Variants in GON4L observed in about 807,000 individuals in gnomAD.
GON4L encodes the protein GON-4-like protein.
In GON4L, 87 loss-of-function variants were observed where a neutral mutation model predicts 211.8. That is an observed-to-expected ratio of 0.41 (90% CI 0.35 to 0.49). The LOEUF (loss-of-function observed/expected upper bound fraction) is 0.49. GON4L is among the 20% of genes least tolerant of loss of function. The pLI is 0.15. For missense variants in GON4L, 2,155 were observed against 2,659.5 expected, an observed-to-expected ratio of 0.81 and a Z score of 4.17; for synonymous variants, 875 against 962.6, an observed-to-expected ratio of 0.91 and a Z score of 1.68.
At chr1:155,803,229 C>T (rs1666836943) in intron 11 of GON4L, among the ~76,000 whole-genome samples, 1 of 151,728 alleles carries the variant, frequency 6.6e-6, no homozygotes, top group African/African-American at 2.4e-5. Flanking sequence ...CAGCCATTTA[C>T]TCAGTCTATT....
chr1:155,746,895 T>C (rs748279032), downstream of GON4L: 12 of 1,596,652 alleles, frequency 7.5e-6, no homozygotes, highest in Admixed American at 5.0e-5. Context: ...TCCTGAACTT[T>C]TTAACCCGGT....
At chr1:155,776,540 CAG>C in intron 15 of GON4L, 59 bp from the exon 16 acceptor site, 2 of 1,264,522 alleles carry the variant, frequency 1.6e-6, no homozygotes, top group East Asian at 2.4e-5. Flanking sequence ...TTCAGGAATC[CAG>C]AGAGATCTTT....
At chr1:155,747,849 C>T (rs532581093), downstream of GON4L, 193 of 1,594,032 alleles carry the variant, frequency 1.2e-4, no homozygotes, top group African/African-American at 2.1e-3. Context: ...ATATTCAGGG[C>T]GGGGAATAAT....
chr1:155,757,386 T>C (rs1661305636), intron 25 of GON4L, 63 bp from the exon 26 acceptor site: 1 of 1,400,076 alleles, frequency 7.1e-7, no homozygotes, highest in Admixed American at 1.8e-5. Flanking sequence ...CCCTTCCCAA[T>C]CAATCCCACA....
chr1:155,759,571 T>C (rs905043635), intron 24 of GON4L, among the ~76,000 whole-genome samples: 4 of 149,540 alleles, frequency 2.7e-5, no homozygotes, highest in Non-Finnish European at 5.9e-5. Flanking sequence ...TGAAACTCCA[T>C]CTCAAAAAAA....
At chr1:155,801,112 C>CAAAAAA (rs367752032) in intron 11 of GON4L, among the ~76,000 whole-genome samples, 7 of 73,626 alleles carry the variant, frequency 9.5e-5, no homozygotes, top group Non-Finnish European at 1.2e-4. Flanking sequence ...TGCTGCTGCT[C>CAAAAAA]AAAAAAAAAA....
intron 12 of GON4L, among the ~76,000 whole-genome samples, chr1:155,789,540 C>T (rs574304777): frequency 6.6e-6 from 1 of 151,890 alleles, no homozygotes; most frequent in South Asian, 2.1e-4. Context: ...GGTCAGGAGG[C>T]TGAGGTGGGA....
rs1275490742 is a variant in GON4L, at chr1:155,773,045, T to C, written c.2495+21A>G. 3.1e-6 allele frequency: 5 copies of C among 1,611,494 alleles called. No homozygotes were observed. In the Admixed American group the frequency reaches 8.3e-5, roughly 27 times the overall value. On this transcript the variant is annotated intron_variant, in intron 18 of 31. Coordinates refer to ENST00000368331, the MANE Select transcript of GON4L (RefSeq NM_001282860.2). ...TCCTTGGGATGTTCTGCTGTTTTGA[T>C]CCCCCAGAGTAAACACTTACTTGTC...
rs771136495 is a variant in GON4L at position 155,766,245 on chromosome 1, G to A, written c.3228C>T (p.Pro1076=). The A allele has an allele frequency of 3.1e-6, 5 of 1,614,102 alleles. No individual in the cohort carries two copies. Among genetic ancestry groups the A allele is most frequent in the Non-Finnish European group, 4.2e-6 (5 of 1,180,018 alleles). The change falls in exon 21 of 32, where the codon CCC becomes CCT. Residue 1076 remains proline, a synonymous_variant. Transcript: ENST00000368331. The part of the protein sequence containing the change: ...FESPAALPAV[P]PEARTSFPLS... Reference sequence around the variant, plus strand: ...GAGGGAAGCTTGTCCTGGCCTCAGGGGGCACAGCAGGCAGTGCTGCAGGAG... The same window carrying A: ...GAGGGAAGCTTGTCCTGGCCTCAGGAGGCACAGCAGGCAGTGCTGCAGGAG...
At chr1:155,858,170 C>A (rs1295845198), upstream of GON4L, among the ~76,000 whole-genome samples, 1 of 152,022 alleles carries the variant, frequency 6.6e-6, no homozygotes, top group Non-Finnish European at 1.5e-5. Context: ...TCAATACGTG[C>A]TTTTTGAATG....
chr1:155,811,109 C>T (rs894839004), intron 10 of GON4L, among the ~76,000 whole-genome samples: 2 of 151,942 alleles, frequency 1.3e-5, no homozygotes, highest in Non-Finnish European at 2.9e-5. Flanking sequence ...GAAAGAAAAT[C>T]AGGCCAAGCG....
At position 155,765,000 on chromosome 1, in the gene GON4L, C is replaced by T; in HGVS notation, c.4473G>A (p.Gln1491=). The part of the protein sequence containing the change: ...EESVLSVPEL[Q]ETMEKLTWLA... ...CTTGAGAATATTCTCCAGCTCTCAC[C>T]TGGAGTTCTGGGACAGAAAGCACAG... The change falls in exon 21 of 32, where the codon CAG becomes CAA. Residue 1491 remains glutamine (Q), a splice_region_variant and synonymous_variant. Transcript: ENST00000368331. 6.2e-7 allele frequency: 1 copy of T among 1,613,938 alleles called. No individual in the cohort carries two copies. The highest frequency in any genetic ancestry group is 1.3e-5 in the African/African-American group (1 of 75,040).
intron 16 of GON4L, 84 bp from the exon 17 acceptor site, chr1:155,775,257 A>C (rs1663662352): frequency 6.4e-7 from 1 of 1,556,822 alleles, no homozygotes. Flanking sequence ...TGAGAAGCTG[A>C]CCTTCCTACT....
intron 19 of GON4L, among the ~76,000 whole-genome samples, chr1:155,770,023 TAA>T (rs59380170): frequency 0.021 from 904 of 43,630 alleles, 9 homozygotes; most frequent in African/African-American, 0.046. Context: ...CTCCATTTCT[TAA>T]AAAAAAAAAA....
chr1:155,826,378 A>T (rs1669217854), intron 3 of GON4L, among the ~76,000 whole-genome samples: 2 of 152,050 alleles, frequency 1.3e-5, no homozygotes, highest in East Asian at 3.9e-4. Context: ...CAGCCTGGCC[A>T]ACATAGCAAA....
chr1:155,745,156 G>T (rs575775299), downstream of GON4L, among the ~76,000 whole-genome samples: 1 of 152,116 alleles, frequency 6.6e-6, no homozygotes, highest in Non-Finnish European at 1.5e-5. Flanking sequence ...GATCAGTGGT[G>T]GTGTATTCAT....
rs536099296 is a variant in GON4L at position 155,816,223 on chromosome 1, T to C, written c.1054A>G (p.Asn352Asp). Residue 352 changes from asparagine to aspartate, a missense_variant, in exon 7 of 32, where the codon AAT (asparagine) becomes GAT (aspartate). Physicochemically the swap from Asn to Asp is conservative, Grantham distance 23. This residue lies in a region of GON4L where 551 missense variants were observed against 854.0 expected (regional missense o/e 0.65). Transcript: ENST00000368331. Reference protein sequence around the residue: ...TWNISPIKKANEIKPPQFVDI... With the variant: ...TWNISPIKKADEIKPPQFVDI... Reference sequence around the variant, plus strand: ...TCTTCCAAGTTTACCTTAATTTCATTGGCCTTCTTAATTGGTGAAATATTC... The same window carrying C: ...TCTTCCAAGTTTACCTTAATTTCATCGGCCTTCTTAATTGGTGAAATATTC... The C allele has an allele frequency of 4.5e-6, 6 of 1,342,342 alleles. No individual in the cohort carries two copies. In the East Asian group the frequency reaches 6.9e-5, roughly 15 times the overall value. The allele number at this position is 1,342,342 out of a possible 1,614,324, so 83.2% of individuals were successfully genotyped here.
intron 3 of GON4L, among the ~76,000 whole-genome samples, chr1:155,826,085 C>G (rs1465749944): frequency 6.6e-6 from 1 of 151,926 alleles, no homozygotes; most frequent in South Asian, 2.1e-4. Flanking sequence ...TGACGGCACG[C>G]GCTTATAGTC....
In GON4L at chr1:155,763,392, A is replaced by G. The variant is rs1015791147; in HGVS notation, c.4646T>C (p.Val1549Ala). ...QKEDEMTDEA[V>A]GDSAEKPPTF... ...AGGAGGCTTCTCAGCAGAGTCTCCA[A>G]CTGCTTCATCCGTCATTTCATCCTC... The change falls in exon 22 of 32, where the codon GTT (valine) becomes GCT (alanine). Residue 1549 changes from valine to alanine, a missense_variant. Around this residue, in one of 6 missense-constraint regions of GON4L, gnomAD observed 455 missense variants for 504.6 expected, o/e 0.90. Transcript: ENST00000368331. The G allele has an allele frequency of 6.2e-7, 1 of 1,609,744 alleles. No homozygotes were observed. The highest frequency in any genetic ancestry group is 1.7e-5 in the Admixed American group (1 of 59,116).
Sources: gnomAD v4.1 joint callset for allele counts (sites outside exome capture counted in the v4.1 genomes callset) on GRCh38, gnomAD v4.1.1 for gene constraint, gnomAD v4.1.1 regional missense constraint, MANE v1.5 for transcripts, NCBI Gene and HGNC (gene_info 2026-07-23, HGNC 2026-07-21) for gene names.